The following METTL21C variants were observed in gnomAD, a reference collection of about 807,000 sequenced individuals.
METTL21C encodes methyltransferase 21C, AARS1 lysine.
METTL21C carries 21 observed loss-of-function variants against 25.9 expected under a neutral mutation model. That is an observed-to-expected ratio of 0.81 (90% confidence interval 0.58 to 1.17). The LOEUF is 1.17. Ranked by LOEUF, METTL21C falls within the 50% of genes most tolerant of loss-of-function variation. The probability of loss-of-function intolerance (pLI) is 0.00; values close to 1 mark genes in which losing one functional copy is unlikely to be tolerated. For missense variants in METTL21C, 312 were observed against 315.1 expected (o/e 0.99, Z 0.07); for synonymous variants, 125 against 124.7 (o/e 1.00, Z -0.01).
At chr13:102,689,684 G>A (rs990698564) in intron 2 of METTL21C, among the ~76,000 whole-genome samples, 6 of 152,190 alleles carry the variant, frequency 3.9e-5, no homozygotes, top group Non-Finnish European at 8.8e-5. Context: ...CAACCACACT[G>A]GCTCTGAGGG....
chr13:102,690,662 A>T, intron 2 of METTL21C, 151 bp downstream of exon 2: 1 of 718,938 alleles, frequency 1.4e-6, no homozygotes. Flanking sequence ...GATCCCAAGC[A>T]CTCCACCAAC....
At chr13:102,692,706 CA>C (rs1457174516) in intron 1 of METTL21C, among the ~76,000 whole-genome samples, 1 of 152,036 alleles carries the variant, frequency 6.6e-6, no homozygotes, top group Non-Finnish European at 1.5e-5. Context: ...TCTGCCCTGA[CA>C]AAAAAGGTGA....
chr13:102,690,771 T>C lies in METTL21C; in HGVS notation c.282+42A>G, dbSNP rs750300455. ...GCAACTCTGAAGTACGGAATTGTTA[T>C]CTCCAGAAATCCTGACATCACAAAT... On this transcript the variant is annotated intron_variant, in intron 2 of 3. Coordinates refer to ENST00000267273, the MANE Select transcript of METTL21C (RefSeq NM_001010977.3). 1.2e-5 allele frequency: 19 copies of C among 1,600,740 alleles called. No homozygotes were observed. The East Asian group carries it at 3.1e-4, about 26-fold the overall frequency.
upstream of METTL21C, among the ~76,000 whole-genome samples, chr13:102,696,385 C>T (rs636098): frequency 2.0e-5 from 3 of 151,676 alleles, no homozygotes; most frequent in Non-Finnish European, 2.9e-5. Context: ...ACTTAGGGGA[C>T]GGAGAGCATT....
intron 2 of METTL21C, among the ~76,000 whole-genome samples, chr13:102,688,530 G>T (rs1690735763): frequency 6.6e-6 from 1 of 152,246 alleles, no homozygotes; most frequent in South Asian, 2.1e-4. Context: ...GAAGGCCAGG[G>T]CGGTGGGTAA....
the METTL21C span, among the ~76,000 whole-genome samples, chr13:102,703,560 T>G: frequency 6.6e-6 from 1 of 152,188 alleles, no homozygotes; most frequent in African/African-American, 2.4e-5. Context: ...CAAAGATAGT[T>G]CTTGGCGCTT....
upstream of METTL21C, among the ~76,000 whole-genome samples, chr13:102,699,753 G>C (rs1371402332): frequency 1.3e-5 from 2 of 152,176 alleles, no homozygotes; most frequent in Admixed American, 1.3e-4. Flanking sequence ...TAACACAGTG[G>C]CCCAAATGTC....
intron 1 of METTL21C, 126 bp from the exon 2 acceptor site, chr13:102,691,090 A>G: frequency 9.3e-7 from 1 of 1,071,656 alleles, no homozygotes; most frequent in South Asian, 1.6e-5. Context: ...GGATGATGCT[A>G]TCAAGGAGAA....
At chr13:102,702,630 C>T in the METTL21C span, among the ~76,000 whole-genome samples, 1 of 151,914 alleles carries the variant, frequency 6.6e-6, no homozygotes, top group Admixed American at 6.6e-5. Context: ...TCTTGTTGCC[C>T]AGGCTGGAGT....
rs760542947 is a variant in METTL21C, at chr13:102,690,859, A to C, written c.236T>G (p.Val79Gly). 2.5e-6 allele frequency: 4 copies of C among 1,614,176 alleles called. No individual in the cohort carries two copies. The Admixed American group carries it at 5.0e-5, about 20-fold the overall frequency. ...EHYRFAGKEI[V>G]IQESIESYGA... ...GTAACTCTCTATGGATTCCTGGATG[A>C]CAATCTCCTTTCCTGCAAACCGATA... is the stretch of plus-strand genomic sequence containing the variant. Residue 79 changes from valine (V) to glycine (G), a missense_variant, in exon 2 of 4, where the codon GTC (valine) becomes GGC (glycine). Coordinates refer to ENST00000267273, the MANE Select transcript of METTL21C (RefSeq NM_001010977.3).
chr13:102,697,420 C>T (rs907899733), upstream of METTL21C, among the ~76,000 whole-genome samples: 12 of 152,058 alleles, frequency 7.9e-5, no homozygotes, highest in African/African-American at 2.9e-4. Flanking sequence ...ACAGGACAGC[C>T]CCGCACAGCA....
Position 102,686,157 on chromosome 13 carries a change from G to A in METTL21C, c.669C>T (p.Asn223=). ...SQPGTVLLWA[N]KFRFSTDYEF... is the part of the protein sequence containing the mutation. The stretch of plus-strand genomic sequence containing the variant: ...CATAGTCGGTGCTGAACCTGAATTT[G>A]TTTGCCCAAAGCAGCACCGTCCCTG... Residue 223 remains asparagine, a synonymous_variant, in exon 4 of 4, where the codon AAC becomes AAT. Coordinates refer to ENST00000267273, the MANE Select transcript of METTL21C (RefSeq NM_001010977.3). 1 of 1,614,202 alleles carries A rather than the reference G, an allele frequency of 6.2e-7. No homozygotes were observed. Among genetic ancestry groups the A allele is most frequent in the East Asian group, 2.2e-5 (1 of 44,888 alleles).
chr13:102,701,406 C>T, the METTL21C span, among the ~76,000 whole-genome samples: 4 of 152,188 alleles, frequency 2.6e-5, no homozygotes, highest in Non-Finnish European at 4.4e-5. Flanking sequence ...TCTGCTTCTA[C>T]CCCATTCTCT....
intron 2 of METTL21C, among the ~76,000 whole-genome samples, chr13:102,689,101 T>C (rs964189237): frequency 4.6e-5 from 7 of 150,992 alleles, no homozygotes; most frequent in Non-Finnish European, 1.0e-4. Context: ...TTAAAATTAT[T>C]ATTTTTAAAA....
chr13:102,687,948 C>T (rs377644614), intron 2 of METTL21C, among the ~76,000 whole-genome samples: 79 of 152,158 alleles, frequency 5.2e-4, no homozygotes, highest in South Asian at 1.0e-3. Flanking sequence ...GAGGTGTTTA[C>T]GTGTATGGCA....
Position 102,689,243 on chromosome 13 carries a change from A to G in METTL21C, c.282+1570T>C, listed in dbSNP as rs141027249. Among the ~76,000 whole-genome samples, 537 of 152,212 alleles carry G rather than the reference A, an allele frequency of 3.5e-3. 3 individuals are homozygous for G. Among genetic ancestry groups the G allele is most frequent in the African/African-American group, 0.01 (419 of 41,518 alleles). The stretch of plus-strand genomic sequence containing the variant: ...CATGCCCGGCCTCTGATCTCTTACT[A>G]TACCACTTTCTCGCTACACCACTGC... On this transcript the variant is annotated intron_variant, in intron 2 of 3. Coordinates refer to ENST00000267273, the MANE Select transcript of METTL21C (RefSeq NM_001010977.3).
chr13:102,691,652 CTGCCTAT>C (rs1406242643), intron 1 of METTL21C, among the ~76,000 whole-genome samples: 2 of 152,166 alleles, frequency 1.3e-5, no homozygotes, highest in Admixed American at 1.3e-4. Context: ...CCCGCCAGAC[CTGCCTAT>C]TTTTAGGTCT....
chr13:102,687,714 G>A (rs1885712973), intron 2 of METTL21C, among the ~76,000 whole-genome samples: 2 of 152,182 alleles, frequency 1.3e-5, no homozygotes, highest in South Asian at 4.1e-4. Context: ...TCAAGATCCT[G>A]CACGTCTAAA....
At position 102,694,542 on chromosome 13, in the gene METTL21C, C is replaced by T. The variant is rs767764162; in HGVS notation, c.-44G>A. ...CAGCTGTGCATTGAAAAGCAATCTA[C>T]AAAAGAACGACTATAATCTACTGAC... On this transcript the variant is annotated 5_prime_UTR_variant, in exon 1 of 4. Transcript: ENST00000267273. The T allele has an allele frequency of 1.9e-6, 1 of 515,030 alleles. No individual in the cohort carries two copies. Among genetic ancestry groups the T allele is most frequent in the South Asian group, 5.4e-5 (1 of 18,682 alleles). 31.9% of individuals were successfully genotyped at this position (515,030 alleles called of 1,614,324 possible). A position where few individuals can be genotyped will look rare whatever the true frequency, so the allele number is the denominator to read the frequency against.
Sources: gnomAD v4.1 joint callset for allele counts (sites outside exome capture counted in the v4.1 genomes callset) on GRCh38, gnomAD v4.1.1 for gene constraint, MANE v1.5 for transcripts, NCBI Gene and HGNC (gene_info 2026-07-23, HGNC 2026-07-21) for gene names.